RPS6KL1: variants seen among roughly 807,000 people sequenced by gnomAD.
RPS6KL1 encodes ribosomal protein S6 kinase like 1.
Under a neutral mutation model 57.0 loss-of-function variants are expected in RPS6KL1, and 41 were observed. The ratio of observed to expected loss-of-function variants is 0.72; its 90% CI spans 0.56 to 0.93. The LOEUF (loss-of-function observed/expected upper bound fraction) is 0.93, where lower values mean the gene tolerates loss of function less well. RPS6KL1 is among the 40% of genes least tolerant of loss of function. The pLI is 0.00. For missense variants in RPS6KL1, 697 were observed against 727.7 expected (o/e 0.96, Z 0.49); for synonymous variants, 287 against 309.7 (o/e 0.93, Z 0.77).
chr14:74,919,787 A>G (rs1349786812), intron 4 of RPS6KL1, 58 bp downstream of exon 4: 2 of 1,585,520 alleles, frequency 1.3e-6, no homozygotes, highest in Admixed American at 1.7e-5. Flanking sequence ...GGGCCTCCGC[A>G]GTCTCCCCTC....
chr14:74,916,087 C>G (rs946320014), intron 5 of RPS6KL1, among the ~76,000 whole-genome samples: 10 of 152,212 alleles, frequency 6.6e-5, no homozygotes, highest in African/African-American at 2.4e-4. Context: ...AGGGGTCACT[C>G]AAGCATCATC....
Position 74,919,834 on chromosome 14 carries a change from G to GGT in RPS6KL1, c.390+9_390+10dup, listed in dbSNP as rs775823446. 3.7e-6 allele frequency: 6 copies of GGT among 1,610,938 alleles called. No individual in the cohort carries two copies. Among genetic ancestry groups the GGT allele is most frequent in the South Asian group, 3.3e-5 (3 of 90,920 alleles). On this transcript the variant is annotated intron_variant, in intron 4 of 11. Transcript: ENST00000557413. ...CCCGCTCAGGCCTTTGGGTGGGGGG[G>GGT]GTCTCCTCACCGCGCTGGGGCTGGC...
intron 3 of RPS6KL1, among the ~76,000 whole-genome samples, 193 bp downstream of exon 3, chr14:74,921,084 G>A (rs1887749925): frequency 6.6e-6 from 1 of 152,226 alleles, no homozygotes. Context: ...GAAGCCCTTA[G>A]AATAGTACCT....
intron 3 of RPS6KL1, 22 bp downstream of exon 3, chr14:74,921,255 C>G: frequency 6.7e-7 from 1 of 1,484,454 alleles, no homozygotes; most frequent in Non-Finnish European, 9.4e-7. Context: ...CCACCCCAGC[C>G]CTGCCCAGCC....
chr14:74,920,432 G>T (rs903345495), intron 3 of RPS6KL1, among the ~76,000 whole-genome samples: 2 of 152,216 alleles, frequency 1.3e-5, no homozygotes, highest in Non-Finnish European at 2.9e-5. Context: ...AGGCTTGAAG[G>T]GTCTCTTCAG....
intron 6 of RPS6KL1, 76 bp downstream of exon 6, chr14:74,911,718 T>C: frequency 7.3e-7 from 1 of 1,368,952 alleles, no homozygotes; most frequent in Non-Finnish European, 1.0e-6. Flanking sequence ...AAATGCAGGT[T>C]CTGGGTAGGA....
chr14:74,914,903 G>A (rs1262649550), intron 5 of RPS6KL1, among the ~76,000 whole-genome samples: 2 of 152,190 alleles, frequency 1.3e-5, no homozygotes, highest in East Asian at 3.9e-4. Flanking sequence ...GTAGAGACGG[G>A]GTTTCACCAT....
At chr14:74,921,238 T>TTCCCCCCCCCCCCCC in intron 3 of RPS6KL1, 39 bp downstream of exon 3, 26 of 840,136 alleles carry the variant, frequency 3.1e-5, no homozygotes, top group East Asian at 5.3e-5. Context: ...CACTGGCCCT[T>TTCCCCCCCCCCCCCC]CCCCACCCAC....
chr14:74,910,308 C>T lies in RPS6KL1; in HGVS notation c.665-160G>A, dbSNP rs997326940. 8.6e-5 allele frequency: 63 copies of T among 729,296 alleles called. No individual in the cohort carries two copies. The East Asian group carries it at 1.8e-3, about 21-fold the overall frequency. 45.2% of individuals were successfully genotyped at this position (729,296 alleles called of 1,614,324 possible). A position where few individuals can be genotyped will look rare whatever the true frequency, so the allele number is the denominator to read the frequency against. On this transcript the variant is annotated intron_variant, in intron 7 of 11. Transcript: ENST00000557413. Reference sequence around the variant, plus strand: ...AGCCCCTCACCTCTGCTCCCTCCCACCCCTCAGCTTAGAATGCCCTCTGCC... The same window carrying T: ...AGCCCCTCACCTCTGCTCCCTCCCATCCCTCAGCTTAGAATGCCCTCTGCC...
chr14:74,920,824 G>T (rs1887708795), intron 3 of RPS6KL1, among the ~76,000 whole-genome samples: 1 of 152,114 alleles, frequency 6.6e-6, no homozygotes, highest in Non-Finnish European at 1.5e-5. Context: ...ACTCCCAGAG[G>T]GCAGGAGCCC....
rs139810545 is a variant in RPS6KL1 at position 74,909,839 on chromosome 14, T to C, written c.974A>G (p.His325Arg). 2.3e-4 allele frequency: 370 copies of C among 1,611,498 alleles called. No individual in the cohort carries two copies. In the African/African-American group the frequency reaches 4.5e-3, roughly 20 times the overall value. ...AGCCCTCCTAGCTTGAAGGTGCAGGTGGCCACCTGGGGCCTTTGGAAGGTC... is the reference window on the plus strand; with the variant it reads ...AGCCCTCCTAGCTTGAAGGTGCAGGCGGCCACCTGGGGCCTTTGGAAGGTC... ...SSDLPKAPGG[H>R]LHLQARRAGQ... The change falls in exon 8 of 12, where the codon CAC (histidine) becomes CGC (arginine). Residue 325 changes from histidine (H) to arginine (R), a missense_variant. Coordinates refer to ENST00000557413, the MANE Select transcript of RPS6KL1 (RefSeq NM_031464.5).
chr14:74,907,367 G>A lies in RPS6KL1; in HGVS notation c.1539+68C>T, dbSNP rs565503100. 6.5e-6 allele frequency: 10 copies of A among 1,529,002 alleles called. No homozygotes were observed. In the South Asian group the frequency reaches 1.2e-4, roughly 18 times the overall value. The allele number at this position is 1,529,002 out of a possible 1,614,324, so 94.7% of individuals were successfully genotyped here. A position where few individuals can be genotyped will look rare whatever the true frequency, so the allele number is the denominator to read the frequency against. On this transcript the variant is annotated intron_variant, in intron 11 of 11. Coordinates refer to ENST00000557413, the MANE Select transcript of RPS6KL1 (RefSeq NM_031464.5). ...ACGAAGCACACGTGGTTCAGACACA[G>A]TTCTGTGCCCCTCCCAGCACCTTCC...
rs1011488914 is a variant in RPS6KL1 at position 74,910,246 on chromosome 14, C to T, written c.665-98G>A. 9.2e-5 allele frequency: 129 copies of T among 1,399,974 alleles called. No homozygotes were observed. The Admixed American group carries it at 2.0e-3, about 21-fold the overall frequency. 86.7% of individuals were successfully genotyped at this position (1,399,974 alleles called of 1,614,324 possible). Reference sequence around the variant, plus strand: ...ACTCCTGCCTCCCTTCTGTCTTGGGCGCAGACTTTCCGCCTCTGGGTGTCC... The same window carrying T: ...ACTCCTGCCTCCCTTCTGTCTTGGGTGCAGACTTTCCGCCTCTGGGTGTCC... On this transcript the variant is annotated intron_variant, in intron 7 of 11. Transcript: ENST00000557413.
Position 74,904,277 on chromosome 14 carries a change from G to C in RPS6KL1, c.*2737C>G, listed in dbSNP as rs2140211412. 1 of 152,278 alleles carries C rather than the reference G, an allele frequency of 6.6e-6. No individual in the cohort carries two copies. The highest frequency in any genetic ancestry group is 3.4e-3 in the Middle Eastern group (1 of 294). The allele number at this position is 152,278 out of a possible 1,614,324, so 9.4% of individuals were successfully genotyped here. A position where few individuals can be genotyped will look rare whatever the true frequency, so the allele number is the denominator to read the frequency against. ...AAAGGAATGTCTGGGTTACAGTAAG[G>C]GGTTGTGGAGACCAAGGTTTTATGC... On this transcript the variant is annotated 3_prime_UTR_variant, in exon 12 of 12. Transcript: ENST00000557413.
rs1294439017 is a variant in RPS6KL1 at position 74,919,904 on chromosome 14, C to T, written c.331G>A (p.Glu111Lys). The T allele has an allele frequency of 1.5e-5, 25 of 1,614,124 alleles. No homozygotes were observed. The highest frequency in any genetic ancestry group is 2.1e-5 in the Non-Finnish European group (25 of 1,180,010). Residue 111 changes from glutamate to lysine, a missense_variant, in exon 4 of 12, where the codon GAG becomes AAG. Transcript: ENST00000557413. ...TGCAGGTGGCAGTTGAAGATCTCCT[C>T]TGCCCGCCGCAGGTATTTGGTAATT... Reference protein sequence around the residue: ...LKITKYLRRAEEIFNCHLQRP... With the variant: ...LKITKYLRRAKEIFNCHLQRP...
Position 74,922,398 on chromosome 14 carries a change from T to A in RPS6KL1, c.-441A>T, listed in dbSNP as rs955607227. ...ATGGATTGCCCCTGCTGTGTTTTGT[T>A]CCCTTGGTCCTGAGGTCAGTGTGGT... On this transcript the variant is annotated 5_prime_UTR_variant, in exon 2 of 12. Transcript: ENST00000557413. 2.1e-6 allele frequency: 2 copies of A among 974,514 alleles called. No individual in the cohort carries two copies. The highest frequency in any genetic ancestry group is 3.5e-5 in the African/African-American group (2 of 57,130). 60.4% of individuals were successfully genotyped at this position (974,514 alleles called of 1,614,324 possible). A position where few individuals can be genotyped will look rare whatever the true frequency, so the allele number is the denominator to read the frequency against.
At chr14:74,917,343 G>A (rs771314084) in intron 5 of RPS6KL1, among the ~76,000 whole-genome samples, 5 of 152,222 alleles carry the variant, frequency 3.3e-5, no homozygotes, top group Admixed American at 6.5e-5. Context: ...GTGGCCACCC[G>A]GGGTGGTGCC....
Position 74,921,435 on chromosome 14 carries a change from C to G in RPS6KL1, c.107G>C (p.Arg36Thr). The change falls in exon 3 of 12, where the codon AGG becomes ACG. Residue 36 changes from arginine (R) to threonine (T), a missense_variant. By Grantham distance (71) the Arg-to-Thr change is moderately conservative (BLOSUM62 -1). Coordinates refer to ENST00000557413, the MANE Select transcript of RPS6KL1 (RefSeq NM_031464.5). ...CATGTCAGGCACTCCCAGAGCCACCCTGTTGCGAATCTGCTCCAGGTACAC... is the reference window on the plus strand; with the variant it reads ...CATGTCAGGCACTCCCAGAGCCACCGTGTTGCGAATCTGCTCCAGGTACAC... Reference protein sequence around the residue: ...AHVYLEQIRNRVALGVPDMTK... With the variant: ...AHVYLEQIRNTVALGVPDMTK... 1 of 1,614,284 alleles carries G rather than the reference C, an allele frequency of 6.2e-7. No homozygotes were observed. Among genetic ancestry groups the G allele is most frequent in the Non-Finnish European group, 8.5e-7 (1 of 1,180,052 alleles).
chr14:74,921,150 T>C (rs1887761056), intron 3 of RPS6KL1, 127 bp downstream of exon 3: 1 of 806,362 alleles, frequency 1.2e-6, no homozygotes, highest in Non-Finnish European at 2.0e-6. Context: ...ATGGAGGCCC[T>C]GCAGGCCAGC....
Sources: gnomAD v4.1 joint callset for allele counts (sites outside exome capture counted in the v4.1 genomes callset) on GRCh38, gnomAD v4.1.1 for gene constraint, MANE v1.5 for transcripts, NCBI Gene and HGNC (gene_info 2026-07-23, HGNC 2026-07-21) for gene names.